The following ANKRD62 variants were observed in gnomAD, a reference collection of about 807,000 sequenced individuals.
ANKRD62 encodes ankyrin repeat domain-containing protein 62.
A neutral mutation model predicts 98.8 loss-of-function variants in ANKRD62; 61 were observed. The observed-to-expected ratio is 0.62, with a 90% CI of 0.50 to 0.76. ANKRD62 has a LOEUF of 0.76. Ranked by LOEUF, ANKRD62 falls within the 30% of genes least tolerant of loss-of-function variation. The pLI is 0.00. For synonymous variants in ANKRD62, 341 were observed against 367.9 expected (o/e 0.93, Z 0.84); for missense variants, 933 against 1,082.9 (o/e 0.86, Z 1.94).
chr18:12,097,728 A>G lies in ANKRD62; in HGVS notation c.703A>G (p.Ile235Val). 3 of 1,536,084 alleles carry G rather than the reference A, an allele frequency of 2.0e-6. No individual in the cohort carries two copies. Among genetic ancestry groups the G allele is most frequent in the Non-Finnish European group, 2.6e-6 (3 of 1,146,800 alleles). The change falls in exon 5 of 14, where the codon ATA becomes GTA. Residue 235 changes from isoleucine (I) to valine (V), a missense_variant. By Grantham distance (29) the Ile-to-Val change is conservative. Transcript: ENST00000587848. ...QHNIDVFCQDISGWTAEDYAV... is the reference protein window; with the variant it reads ...QHNIDVFCQDVSGWTAEDYAV... Reference sequence around the variant, plus strand: ...CAATATTGATGTCTTTTGCCAAGATATATCTGGATGGACTGCAGAAGACTA... The same window carrying G: ...CAATATTGATGTCTTTTGCCAAGATGTATCTGGATGGACTGCAGAAGACTA...
chr18:12,125,552 A>G lies in ANKRD62; in HGVS notation c.1731A>G (p.Thr577=), dbSNP rs1303525358. The change falls in exon 13 of 14, where the codon ACA becomes ACG. Residue 577 remains threonine, a synonymous_variant. Transcript: ENST00000587848. ...CCAGACTCAGGCTGGAAATAGACAC[A>G]ATAAAACATCAGAACCAGGAAACTG... The part of the protein sequence containing the change: ...EIARLRLEID[T]IKHQNQETEN... The G allele has an allele frequency of 1.4e-5, 21 of 1,527,704 alleles. No individual in the cohort carries two copies. The highest frequency in any genetic ancestry group is 1.6e-5 in the Non-Finnish European group (18 of 1,144,206). The allele number at this position is 1,527,704 out of a possible 1,614,324, so 94.6% of individuals were successfully genotyped here.
chr18:12,137,149 G>T, the ANKRD62 span, among the ~76,000 whole-genome samples: 1 of 152,162 alleles, frequency 6.6e-6, no homozygotes, highest in Non-Finnish European at 1.5e-5. Context: ...AATGCTTCCA[G>T]TTTTTGCCCA....
intron 8 of ANKRD62, among the ~76,000 whole-genome samples, chr18:12,113,257 A>G (rs560899108): frequency 1.3e-5 from 2 of 152,304 alleles, no homozygotes; most frequent in East Asian, 3.9e-4. Context: ...AAAAAGCTCA[A>G]CTTCACTGAT....
In ANKRD62 at chr18:12,104,662, T is replaced by C. The variant is rs548724654; in HGVS notation, c.891+1434T>C. Among the ~76,000 whole-genome samples, 427 of 152,268 alleles carry C rather than the reference T, an allele frequency of 2.8e-3. 4 individuals are homozygous for C. The highest frequency in any genetic ancestry group is 9.7e-3 in the African/African-American group (405 of 41,580). Reference sequence around the variant, plus strand: ...CTCGTTTTTAGGAAGAGACACTCCATGATAACTCTACAGGAATAGCAAACT... The same window carrying C: ...CTCGTTTTTAGGAAGAGACACTCCACGATAACTCTACAGGAATAGCAAACT... On this transcript the variant is annotated intron_variant, in intron 7 of 13. Transcript: ENST00000587848.
chr18:12,132,124 T>C (rs139771879), downstream of ANKRD62, among the ~76,000 whole-genome samples: 636 of 152,318 alleles, frequency 4.2e-3, 9 homozygotes, highest in African/African-American at 0.014. Context: ...TTAGTTATTA[T>C]TGTACAGATA....
At chr18:12,106,805 T>C (rs373496926) in intron 7 of ANKRD62, among the ~76,000 whole-genome samples, 46 of 152,188 alleles carry the variant, frequency 3.0e-4, no homozygotes, top group South Asian at 2.9e-3. Flanking sequence ...AGGGAGAAAG[T>C]AAAATAAAAG....
chr18:12,167,976 T>G, the ANKRD62 span, among the ~76,000 whole-genome samples: 1 of 152,108 alleles, frequency 6.6e-6, no homozygotes, highest in Non-Finnish European at 1.5e-5. Flanking sequence ...TTTGATGGGG[T>G]TGTTTGATTT....
At chr18:12,162,872 A>G in the ANKRD62 span, among the ~76,000 whole-genome samples, 1 of 151,914 alleles carries the variant, frequency 6.6e-6, no homozygotes, top group Non-Finnish European at 1.5e-5. Context: ...GCATTGGTCT[A>G]TGTGTCTGTT....
chr18:12,170,514 T>C, the ANKRD62 span, among the ~76,000 whole-genome samples: 1 of 152,356 alleles, frequency 6.6e-6, no homozygotes, highest in Middle Eastern at 3.4e-3. Flanking sequence ...ATAATTTCTG[T>C]GCTTTTGCAT....
chr18:12,125,921 G>C lies in ANKRD62; in HGVS notation c.2100G>C (p.Gln700His), dbSNP rs770472609. ...HLQEDTNSHI[Q>H]ILSQQLSKAE... ...AAGAAGACACTAATTCTCACATTCAGATTCTTTCTCAGCAACTTTCTAAAG... is the reference window on the plus strand; with the variant it reads ...AAGAAGACACTAATTCTCACATTCACATTCTTTCTCAGCAACTTTCTAAAG... Residue 700 changes from glutamine to histidine, a missense_variant, in exon 13 of 14, where the codon CAG becomes CAC. Physicochemically the swap from Gln to His is conservative, Grantham distance 24 (BLOSUM62 0). Coordinates refer to ENST00000587848, the MANE Select transcript of ANKRD62 (RefSeq NM_001277333.2). 7.8e-6 allele frequency: 12 copies of C among 1,539,398 alleles called. No individual in the cohort carries two copies. The African/African-American group carries it at 1.1e-4, about 14-fold the overall frequency.
chr18:12,145,852 C>T, the ANKRD62 span, among the ~76,000 whole-genome samples: 1 of 151,998 alleles, frequency 6.6e-6, no homozygotes, highest in South Asian at 2.1e-4. Flanking sequence ...TAAGCATGTC[C>T]TGGATCCCGT....
At chr18:12,126,506 C>T in intron 13 of ANKRD62, 123 bp downstream of exon 13, 1 of 988,142 alleles carries the variant, frequency 1.0e-6, no homozygotes, top group Non-Finnish European at 1.4e-6. Context: ...AACGGTTCTG[C>T]TATATCACCT....
At position 12,126,064 on chromosome 18, in the gene ANKRD62, T is replaced by G; in HGVS notation, c.2243T>G (p.Leu748Trp). Residue 748 changes from leucine to tryptophan, a missense_variant, in exon 13 of 14, where the codon TTG becomes TGG. Coordinates refer to ENST00000587848, the MANE Select transcript of ANKRD62 (RefSeq NM_001277333.2). ...GTCCTAAGCCGAACACAGCGTCGAT[T>G]GGAGGACATTGAACACATGTACCAA... ...QGVLSRTQRRLEDIEHMYQND... is the reference protein window; with the variant it reads ...QGVLSRTQRRWEDIEHMYQND... The G allele has an allele frequency of 6.5e-7, 1 of 1,536,216 alleles. No homozygotes were observed. The highest frequency in any genetic ancestry group is 8.7e-7 in the Non-Finnish European group (1 of 1,146,906).
intron 12 of ANKRD62, among the ~76,000 whole-genome samples, chr18:12,124,719 A>C (rs58898985): frequency 6.6e-6 from 1 of 151,236 alleles, no homozygotes; most frequent in African/African-American, 2.4e-5. Flanking sequence ...ATCTTCTTTG[A>C]GTTTTGAAAG....
the ANKRD62 span, among the ~76,000 whole-genome samples, chr18:12,175,799 A>G: frequency 5.9e-5 from 9 of 152,110 alleles, no homozygotes; most frequent in South Asian, 1.5e-3. Context: ...TTTGCCTTGC[A>G]TGGAGGAAAC....
chr18:12,160,622 C>T, the ANKRD62 span, among the ~76,000 whole-genome samples: 1 of 152,182 alleles, frequency 6.6e-6, no homozygotes, highest in African/African-American at 2.4e-5. Context: ...GAGAGGGCTA[C>T]ATTATCATAA....
chr18:12,180,865 A>T, the ANKRD62 span, among the ~76,000 whole-genome samples: 1 of 148,244 alleles, frequency 6.7e-6, no homozygotes, highest in African/African-American at 2.5e-5. Flanking sequence ...ACATATATAT[A>T]CATGTGCCAT....
rs1296892368 is a variant in ANKRD62, at chr18:12,129,335, T to G, written c.*1396T>G. ...GGCCAAGTAGTATTATTTGAGACTT[T>G]GTGAGCCATAAGATCCCTGTTGCAA... is the stretch of plus-strand genomic sequence containing the variant. On this transcript the variant is annotated 3_prime_UTR_variant, in exon 14 of 14. Transcript: ENST00000587848. 4 of 152,224 alleles carry G rather than the reference T, an allele frequency of 2.6e-5. No individual in the cohort carries two copies. Among genetic ancestry groups the G allele is most frequent in the Non-Finnish European group, 4.4e-5 (3 of 68,052 alleles). 9.4% of individuals were successfully genotyped at this position (152,224 alleles called of 1,614,324 possible).
intron 7 of ANKRD62, among the ~76,000 whole-genome samples, chr18:12,104,050 C>CA (rs951800028): frequency 4.6e-5 from 7 of 152,010 alleles, no homozygotes; most frequent in African/African-American, 1.7e-4. Context: ...AAAAAACACT[C>CA]AAATGTGCAC....
Sources: allele counts gnomAD v4.1 joint callset (sites outside exome capture counted in the v4.1 genomes callset), GRCh38; gene constraint gnomAD v4.1.1; transcripts MANE v1.5; gene names NCBI Gene and HGNC (gene_info 2026-07-23, HGNC 2026-07-21).